Variants in PKHD1 observed in about 807,000 individuals in gnomAD.
The protein encoded by PKHD1 is fibrocystin.
PKHD1 carries 291 observed loss-of-function variants against 412.0 expected under a neutral mutation model. That is an observed-to-expected ratio of 0.71 (90% CI 0.64 to 0.78). The LOEUF (loss-of-function observed/expected upper bound fraction) is 0.78. PKHD1 is among the 30% of genes least tolerant of loss of function. PKHD1 has a pLI of 0.00. For missense variants in PKHD1, 4,825 were observed against 4,950.7 expected (o/e 0.97, Z 0.76); for synonymous variants, 1,777 against 1,821.5 (o/e 0.98, Z 0.62).
At chr6:51,890,372 C>T (rs1165390514) in intron 43 of PKHD1, among the ~76,000 whole-genome samples, 1 of 151,734 alleles carries the variant, frequency 6.6e-6, no homozygotes, top group Admixed American at 6.6e-5. Flanking sequence ...TCTTGTCACC[C>T]GGTCACGGAC....
chr6:51,646,136 C>T (rs562784699), intron 63 of PKHD1, among the ~76,000 whole-genome samples: 1 of 152,278 alleles, frequency 6.6e-6, no homozygotes, highest in Non-Finnish European at 1.5e-5. Flanking sequence ...CCATCGAACC[C>T]TTCTATTCTA....
chr6:51,949,542 T>C (rs1789994570), intron 36 of PKHD1, among the ~76,000 whole-genome samples: 1 of 152,132 alleles, frequency 6.6e-6, no homozygotes, highest in South Asian at 2.1e-4. Context: ...ACAGCTTCCT[T>C]TGTTGGCAAG....
At chr6:51,844,007 G>A (rs1367990995) in intron 50 of PKHD1, among the ~76,000 whole-genome samples, 1 of 152,100 alleles carries the variant, frequency 6.6e-6, no homozygotes, top group East Asian at 1.9e-4. Flanking sequence ...GAAAATAGAG[G>A]GAGACCCTTT....
At chr6:51,741,698 C>T (rs1784578782) in intron 60 of PKHD1, among the ~76,000 whole-genome samples, 1 of 152,248 alleles carries the variant, frequency 6.6e-6, no homozygotes, top group South Asian at 2.1e-4. Context: ...CCTTATTGGC[C>T]TTATTTCTTT....
At chr6:51,888,650 C>T (rs1236755931) in intron 43 of PKHD1, among the ~76,000 whole-genome samples, 2 of 151,862 alleles carry the variant, frequency 1.3e-5, no homozygotes, top group Non-Finnish European at 2.9e-5. Context: ...CTCACCCTTC[C>T]TGGTTCACTC....
At chr6:51,906,441 C>A in intron 40 of PKHD1, 101 bp from the exon 41 acceptor site, 1 of 909,598 alleles carries the variant, frequency 1.1e-6, no homozygotes, top group Non-Finnish European at 1.8e-6. Flanking sequence ...TTCTCCCACA[C>A]AATAATGAAA....
chr6:51,989,937 A>AGGG (rs1562073021), intron 35 of PKHD1, among the ~76,000 whole-genome samples: 1 of 81,178 alleles, frequency 1.2e-5, no homozygotes, highest in Non-Finnish European at 2.7e-5. Context: ...GGAAGGAAAG[A>AGGG]AGGAAGGAAG....
At chr6:51,914,894 T>C (rs1018677272) in intron 37 of PKHD1, among the ~76,000 whole-genome samples, 2 of 152,130 alleles carry the variant, frequency 1.3e-5, no homozygotes, top group Non-Finnish European at 2.9e-5. Flanking sequence ...TCAAGCCCAA[T>C]CTTTTCAGTG....
intron 53 of PKHD1, 117 bp downstream of exon 53, chr6:51,791,119 C>G: frequency 9.7e-7 from 1 of 1,035,676 alleles, no homozygotes. Context: ...TCACTACTAC[C>G]TTAACCCTCC....
intron 54 of PKHD1, among the ~76,000 whole-genome samples, chr6:51,774,709 CAG>C (rs1460897160): frequency 6.6e-6 from 1 of 151,750 alleles, no homozygotes; most frequent in African/African-American, 2.4e-5. Flanking sequence ...TACTGAGATC[CAG>C]AGAGGGAGCC....
chr6:51,677,683 C>A (rs968330763), intron 60 of PKHD1, among the ~76,000 whole-genome samples: 2 of 152,096 alleles, frequency 1.3e-5, no homozygotes, highest in Non-Finnish European at 2.9e-5. Flanking sequence ...TCTGTCTCTA[C>A]AATCAGTTCT....
chr6:51,671,565 G>C (rs950534344), intron 60 of PKHD1, among the ~76,000 whole-genome samples: 2 of 152,092 alleles, frequency 1.3e-5, no homozygotes, highest in African/African-American at 4.8e-5. Context: ...GTCATTCTCC[G>C]TCCAGCTTTG....
At chr6:51,826,283 T>C (rs1290733389) in intron 52 of PKHD1, among the ~76,000 whole-genome samples, 1 of 152,128 alleles carries the variant, frequency 6.6e-6, no homozygotes, top group African/African-American at 2.4e-5. Context: ...GAAGAGCTAT[T>C]ATAAAAGAAA....
intron 48 of PKHD1, among the ~76,000 whole-genome samples, chr6:51,860,434 C>T (rs542571944): frequency 4.5e-4 from 68 of 152,346 alleles, no homozygotes; most frequent in African/African-American, 1.5e-3. Flanking sequence ...ATAATTACTA[C>T]AATTTTCACT....
chr6:51,823,861 G>A (rs1055715739), intron 52 of PKHD1, among the ~76,000 whole-genome samples: 23 of 152,104 alleles, frequency 1.5e-4, no homozygotes, highest in African/African-American at 4.8e-4. Context: ...GGGAGCATCC[G>A]TTTGAATCGT....
intron 52 of PKHD1, among the ~76,000 whole-genome samples, chr6:51,824,238 CAAAT>C (rs1293144565): frequency 1.3e-5 from 2 of 151,932 alleles, no homozygotes; most frequent in African/African-American, 4.8e-5. Context: ...CAAAAGAAAA[CAAAT>C]AAATTACTAG....
intron 64 of PKHD1, among the ~76,000 whole-genome samples, chr6:51,633,677 C>T (rs563658776): frequency 6.6e-6 from 1 of 152,236 alleles, no homozygotes; most frequent in Non-Finnish European, 1.5e-5. Context: ...ATTTATATAA[C>T]ACTGTAGAAA....
intron 45 of PKHD1, among the ~76,000 whole-genome samples, chr6:51,884,864 AGGGT>A (rs10535862): frequency 0.92 from 139,837 of 151,908 alleles, 64,581 homozygotes; most frequent in East Asian, 0.99. Flanking sequence ...TTACCCCTAT[AGGGT>A]ATATTTATAG....
At chr6:51,750,860 T>C (rs1029921038) in intron 57 of PKHD1, among the ~76,000 whole-genome samples, 5 of 152,128 alleles carry the variant, frequency 3.3e-5, no homozygotes, top group African/African-American at 1.2e-4. Flanking sequence ...CACTGCAACC[T>C]CCATCTCCAG....
Sources: gnomAD v4.1 joint callset for allele counts (sites outside exome capture counted in the v4.1 genomes callset) on GRCh38, gnomAD v4.1.1 for gene constraint, MANE v1.5 for transcripts, NCBI Gene and HGNC (gene_info 2026-07-23, HGNC 2026-07-21) for gene names.